Variants in AAMDC observed in about 807,000 individuals in gnomAD.
The protein encoded by AAMDC is adipogenesis associated Mth938 domain containing, also known as mth938 domain-containing protein.
A neutral mutation model predicts 15.5 loss-of-function variants in AAMDC; 16 were observed. The observed-to-expected ratio is 1.03, with a 90% CI of 0.70 to 1.57. The LOEUF is 1.57. AAMDC is among the 40% of genes most tolerant of loss of function. AAMDC has a pLI of 0.00. For missense variants in AAMDC, 141 were observed against 144.9 expected (o/e 0.97, Z 0.14); for synonymous variants, 51 against 51.6 (o/e 0.99, Z 0.05).
chr11:77,854,077 A>C (rs1590954471), intron 2 of AAMDC, among the ~76,000 whole-genome samples: 1 of 136,390 alleles, frequency 7.3e-6, no homozygotes, highest in Non-Finnish European at 1.6e-5. Flanking sequence ...TGCAACCTCC[A>C]CCTCCCAGGT....
At chr11:77,854,300 A>G (rs1399945248) in intron 2 of AAMDC, among the ~76,000 whole-genome samples, 2 of 152,080 alleles carry the variant, frequency 1.3e-5, no homozygotes, top group African/African-American at 4.8e-5. Flanking sequence ...CTATCCTCCA[A>G]ATTCTTAACA....
chr11:77,860,151 T>G (rs1950814690), intron 2 of AAMDC, among the ~76,000 whole-genome samples: 1 of 152,250 alleles, frequency 6.6e-6, no homozygotes, highest in Non-Finnish European at 1.5e-5. Context: ...TACGAAGTCT[T>G]GCCCCGTTGG....
chr11:77,869,938 C>A (rs1272258060), intron 3 of AAMDC, 121 bp downstream of exon 3: 18 of 905,782 alleles, frequency 2.0e-5, no homozygotes, highest in Non-Finnish European at 3.0e-5. Context: ...TTTTGCTGAC[C>A]CAGGATAGCA....
chr11:77,827,247 A>G (rs1423227248), intron 1 of AAMDC, among the ~76,000 whole-genome samples: 2 of 152,210 alleles, frequency 1.3e-5, no homozygotes, highest in Admixed American at 6.5e-5. Context: ...TGCTTCACAA[A>G]TTCATACCAA....
intron 1 of AAMDC, among the ~76,000 whole-genome samples, chr11:77,824,291 T>A (rs1015256697): frequency 2.0e-5 from 3 of 152,088 alleles, no homozygotes; most frequent in Admixed American, 2.0e-4. Flanking sequence ...CAAAAAAGAG[T>A]AGCTATTTTT....
At chr11:77,860,918 T>G (rs1030714512) in intron 2 of AAMDC, among the ~76,000 whole-genome samples, 1 of 152,164 alleles carries the variant, frequency 6.6e-6, no homozygotes, top group East Asian at 1.9e-4. Context: ...GTTCACTGTC[T>G]GTTGGGTTTC....
downstream of AAMDC, among the ~76,000 whole-genome samples, chr11:77,904,509 G>A (rs750835465): frequency 3.3e-5 from 5 of 152,170 alleles, no homozygotes; most frequent in Non-Finnish European, 7.3e-5. Context: ...CTAAGTCTGA[G>A]AAATCCAGTG....
downstream of AAMDC, among the ~76,000 whole-genome samples, chr11:77,902,437 C>A (rs1453748333): frequency 6.6e-6 from 1 of 152,082 alleles, no homozygotes; most frequent in African/African-American, 2.4e-5. Flanking sequence ...AGCCACATAC[C>A]AGGTCTGAGA....
intron 5 of AAMDC, among the ~76,000 whole-genome samples, chr11:77,894,111 A>G (rs1022981258): frequency 5.3e-5 from 8 of 152,096 alleles, no homozygotes; most frequent in African/African-American, 1.9e-4. Context: ...AACATTAAGG[A>G]AAAAAACCAA....
At chr11:77,829,452 C>G (rs1231902855) in intron 1 of AAMDC, among the ~76,000 whole-genome samples, 2 of 152,154 alleles carry the variant, frequency 1.3e-5, no homozygotes, top group African/African-American at 2.4e-5. Flanking sequence ...ACATATAAAC[C>G]TATACATCTA....
Position 77,841,368 on chromosome 11 carries a change from G to GT in AAMDC, c.-18-1105dup, listed in dbSNP as rs1170703002. 12 of 581,068 alleles carry GT rather than the reference G, an allele frequency of 2.1e-5. No individual in the cohort carries two copies. In the East Asian group the frequency reaches 2.8e-4, roughly 13 times the overall value. 36.0% of individuals were successfully genotyped at this position (581,068 alleles called of 1,614,324 possible). ...CTACTTTAGTCTCTGTTCTGTTAGA[G>GT]TTTTTTCCTTGATTTTATTCTTAAA... On this transcript the variant is annotated intron_variant, in intron 1 of 3. Transcript: ENST00000393427.
intron 2 of AAMDC, among the ~76,000 whole-genome samples, chr11:77,855,864 C>A (rs138021766): frequency 6.6e-6 from 1 of 151,940 alleles, no homozygotes; most frequent in Non-Finnish European, 1.5e-5. Flanking sequence ...CTTTGGGAGG[C>A]CAAGGTTATG....
At chr11:77,856,507 T>C (rs1950629838) in intron 2 of AAMDC, among the ~76,000 whole-genome samples, 1 of 152,204 alleles carries the variant, frequency 6.6e-6, no homozygotes, top group Non-Finnish European at 1.5e-5. Flanking sequence ...TTTGTTAGTC[T>C]CTTCTTGCAT....
At chr11:77,903,031 A>G (rs192443144), downstream of AAMDC, among the ~76,000 whole-genome samples, 113 of 152,208 alleles carry the variant, frequency 7.4e-4, no homozygotes, top group Non-Finnish European at 1.4e-3. Context: ...CAGCCTCCCA[A>G]AGTGCTGGGA....
intron 5 of AAMDC, chr11:77,891,654 G>C (rs1283347937): frequency 3.7e-6 from 6 of 1,610,820 alleles, no homozygotes; most frequent in African/African-American, 1.3e-5. Flanking sequence ...GACAGATTTG[G>C]CCTACAGGGG....
intron 2 of AAMDC, among the ~76,000 whole-genome samples, chr11:77,855,835 C>A (rs1950597408): frequency 6.6e-6 from 1 of 150,634 alleles, no homozygotes; most frequent in Admixed American, 6.6e-5. Flanking sequence ...TGCAGTGGCT[C>A]ATCCCTGTAA....
intron 2 of AAMDC, among the ~76,000 whole-genome samples, chr11:77,858,294 A>T: frequency 7.2e-6 from 1 of 139,794 alleles, no homozygotes; most frequent in African/African-American, 2.8e-5. Context: ...TCCTGCGTTT[A>T]AGCAATTCTT....
At chr11:77,898,441 C>T (rs1486289972) in intron 5 of AAMDC, among the ~76,000 whole-genome samples, 4 of 152,160 alleles carry the variant, frequency 2.6e-5, no homozygotes, top group African/African-American at 4.8e-5. Flanking sequence ...GGATTACAGG[C>T]GTGAGCCACT....
At chr11:77,902,560 T>C (rs1952810354), downstream of AAMDC, among the ~76,000 whole-genome samples, 1 of 152,234 alleles carries the variant, frequency 6.6e-6, no homozygotes, top group African/African-American at 2.4e-5. Flanking sequence ...GAATTTAACC[T>C]TGCTGAGCCT....
Sources: allele counts gnomAD v4.1 joint callset (sites outside exome capture counted in the v4.1 genomes callset), GRCh38; gene constraint gnomAD v4.1.1; transcripts MANE v1.5; gene names NCBI Gene and HGNC (gene_info 2026-07-23, HGNC 2026-07-21).